The following VAV3 variants were observed in gnomAD, a reference collection of about 807,000 sequenced individuals.
The protein encoded by VAV3 is vav guanine nucleotide exchange factor 3, also known as guanine nucleotide exchange factor VAV3.
In VAV3, 94 loss-of-function variants were observed where a neutral mutation model predicts 131.2. The observed-to-expected ratio is 0.72, with a 90% CI of 0.61 to 0.85. The LOEUF (loss-of-function observed/expected upper bound fraction) is 0.85. Among genes scored for constraint, VAV3 ranks in the 40% least tolerant of loss-of-function variants. VAV3 has a pLI of 0.00. For synonymous variants in VAV3, 349 were observed against 342.0 expected, an observed-to-expected ratio of 1.02 and a Z score of -0.22; for missense variants, 939 against 1,002.7, an observed-to-expected ratio of 0.94 and a Z score of 0.86.
intron 1 of VAV3, among the ~76,000 whole-genome samples, chr1:107,952,485 T>TATATATACACAC (rs1317970944): frequency 2.1e-5 from 2 of 94,450 alleles, no homozygotes; most frequent in African/African-American, 7.2e-5. Flanking sequence ...TATATATATA[T>TATATATACACAC]ACACACATAA....
intron 13 of VAV3, 121 bp downstream of exon 13, chr1:107,750,996 C>G (rs1663686816): frequency 2.1e-6 from 2 of 940,534 alleles, no homozygotes; most frequent in African/African-American, 3.4e-5. Flanking sequence ...ATGGGTTGGT[C>G]TGTCTCCTTG....
intron 1 of VAV3, among the ~76,000 whole-genome samples, chr1:107,906,278 TAA>T (rs1672100702): frequency 6.7e-6 from 1 of 149,288 alleles, no homozygotes; most frequent in Non-Finnish European, 1.5e-5. Flanking sequence ...GTTTTGTTTT[TAA>T]GAGAGAGGGT....
chr1:107,582,667 G>T (rs1162171216), intron 25 of VAV3, among the ~76,000 whole-genome samples: 1 of 150,034 alleles, frequency 6.7e-6, no homozygotes, highest in Non-Finnish European at 1.5e-5. Flanking sequence ...GTGGTGTTTG[G>T]TTTTTTGTTC....
At chr1:107,857,617 C>T (rs936468808) in intron 2 of VAV3, among the ~76,000 whole-genome samples, 2 of 152,000 alleles carry the variant, frequency 1.3e-5, no homozygotes, top group East Asian at 1.9e-4. Flanking sequence ...GACCTTCTTG[C>T]GGGTATGTTC....
chr1:107,958,270 C>G (rs1674912977), intron 1 of VAV3, among the ~76,000 whole-genome samples: 2 of 152,136 alleles, frequency 1.3e-5, no homozygotes, highest in Non-Finnish European at 2.9e-5. Context: ...TTTTGTATAA[C>G]CCAAAAATCT....
intron 1 of VAV3, chr1:107,963,421 A>C (rs1198016319): frequency 6.6e-6 from 1 of 152,196 alleles, no homozygotes; most frequent in Admixed American, 6.5e-5. Context: ...AATTTACCTC[A>C]CTTTTAAATA....
intron 19 of VAV3, among the ~76,000 whole-genome samples, chr1:107,655,381 C>T (rs1175375491): frequency 6.6e-6 from 1 of 152,108 alleles, no homozygotes; most frequent in African/African-American, 2.4e-5. Context: ...AAAGGGCAAT[C>T]TCTTCAGTAA....
At chr1:107,581,401 C>A (rs967826041) in intron 25 of VAV3, among the ~76,000 whole-genome samples, 5 of 152,284 alleles carry the variant, frequency 3.3e-5, no homozygotes, top group African/African-American at 1.2e-4. Context: ...AATTTAGTGA[C>A]TTAAAGTTTC....
intron 25 of VAV3, among the ~76,000 whole-genome samples, chr1:107,595,174 C>G (rs778980454): frequency 6.6e-6 from 1 of 152,094 alleles, no homozygotes; most frequent in Non-Finnish European, 1.5e-5. Flanking sequence ...GCTCTACTTT[C>G]ATTGCACGAG....
intron 15 of VAV3, among the ~76,000 whole-genome samples, chr1:107,713,003 G>A (rs910167325): frequency 1.3e-5 from 2 of 152,156 alleles, no homozygotes; most frequent in Admixed American, 1.3e-4. Flanking sequence ...TACATGTCCA[G>A]CTTTCTAAAA....
At chr1:107,647,379 A>G (rs1439989188) in intron 19 of VAV3, among the ~76,000 whole-genome samples, 1 of 151,850 alleles carries the variant, frequency 6.6e-6, no homozygotes, top group African/African-American at 2.4e-5. Context: ...CAAGCATAAC[A>G]TATTAATTCA....
chr1:107,784,512 A>C (rs769177590), intron 2 of VAV3, among the ~76,000 whole-genome samples: 3 of 152,232 alleles, frequency 2.0e-5, no homozygotes, highest in Non-Finnish European at 4.4e-5. Context: ...GACTAGGACA[A>C]AAGGCATGAT....
intron 2 of VAV3, among the ~76,000 whole-genome samples, chr1:107,848,386 T>G (rs1669069330): frequency 6.6e-6 from 1 of 150,738 alleles, no homozygotes; most frequent in Admixed American, 6.6e-5. Context: ...CACGATCAAG[T>G]CAGTTTCATC....
chr1:107,802,527 C>A (rs567997815), intron 2 of VAV3, among the ~76,000 whole-genome samples: 1 of 151,908 alleles, frequency 6.6e-6, no homozygotes, highest in East Asian at 1.9e-4. Flanking sequence ...CTATTCTTAA[C>A]GTTTGTTGAG....
chr1:107,913,789 TA>T (rs1438128973), intron 1 of VAV3, among the ~76,000 whole-genome samples: 2 of 152,156 alleles, frequency 1.3e-5, no homozygotes, highest in African/African-American at 2.4e-5. Context: ...CACAAATTAT[TA>T]TTTTTTTTAA....
chr1:107,646,081 A>G (rs1447640976), intron 19 of VAV3, among the ~76,000 whole-genome samples: 9 of 152,082 alleles, frequency 5.9e-5, no homozygotes, highest in Admixed American at 5.9e-4. Context: ...TTCAGGCTTA[A>G]AATCACCAGT....
chr1:107,796,802 A>AT (rs200461998), intron 2 of VAV3, among the ~76,000 whole-genome samples: 61,386 of 142,472 alleles, frequency 0.43, 13,762 homozygotes, highest in Non-Finnish European at 0.52. Context: ...AAAAAAAAAA[A>AT]AAATATATAT....
chr1:107,669,585 C>G (rs1657638377), intron 19 of VAV3: 1 of 1,143,164 alleles, frequency 8.7e-7, no homozygotes, highest in South Asian at 1.7e-5. Flanking sequence ...TAAAGGTAGA[C>G]TAGAGCCTCC....
intron 19 of VAV3, among the ~76,000 whole-genome samples, chr1:107,647,236 A>G (rs1257586061): frequency 6.7e-6 from 1 of 149,582 alleles, no homozygotes; most frequent in Non-Finnish European, 1.5e-5. Context: ...CTACTAGATA[A>G]ATGGGCTGTA....
Sources: allele counts gnomAD v4.1 joint callset (sites outside exome capture counted in the v4.1 genomes callset), GRCh38; gene constraint gnomAD v4.1.1; transcripts MANE v1.5; gene names NCBI Gene and HGNC (gene_info 2026-07-23, HGNC 2026-07-21).